Variants in PATZ1 observed in about 807,000 individuals in gnomAD.
PATZ1 encodes the protein POZ-, AT hook-, and zinc finger-containing protein 1.
PATZ1 carries 9 observed loss-of-function variants against 46.2 expected under a neutral mutation model. The ratio of observed to expected loss-of-function variants is 0.19; its 90% confidence interval spans 0.12 to 0.34. The LOEUF (loss-of-function observed/expected upper bound fraction) is 0.34. PATZ1 is among the 10% of genes least tolerant of loss of function. The pLI, the probability that PATZ1 is intolerant of heterozygous loss-of-function variation, is 1.00. For synonymous variants in PATZ1, 426 were observed against 378.6 expected, an observed-to-expected ratio of 1.13 and a Z score of -1.45; for missense variants, 632 against 923.0, an observed-to-expected ratio of 0.68 and a Z score of 4.08.
In PATZ1 at chr22:31,344,967, T is replaced by C; in HGVS notation, c.636A>G (p.Ala212=). 1.2e-6 allele frequency: 2 copies of C among 1,613,870 alleles called. No individual in the cohort carries two copies. The highest frequency in any genetic ancestry group is 1.7e-6 in the Non-Finnish European group (2 of 1,180,042). The change falls in exon 1 of 5, where the codon GCA becomes GCG. Residue 212 remains alanine, a synonymous_variant. Coordinates refer to ENST00000266269, the MANE Select transcript of PATZ1 (RefSeq NM_014323.3). ...IAGSMQPEEE[A]ARAAGAAIAG... ...CAATGGCTGCACCAGCCGCCCGAGCTGCCTCCTCCTCTGGCTGCATGCTGC... is the reference window on the plus strand; with the variant it reads ...CAATGGCTGCACCAGCCGCCCGAGCCGCCTCCTCCTCTGGCTGCATGCTGC...
At chr22:31,329,895 C>T (rs1421848732) in intron 3 of PATZ1, among the ~76,000 whole-genome samples, 1 of 152,232 alleles carries the variant, frequency 6.6e-6, no homozygotes, top group Non-Finnish European at 1.5e-5. Context: ...AGTCAAGGAT[C>T]AGAAGGTGCT....
intron 2 of PATZ1, 145 bp downstream of exon 2, chr22:31,342,752 G>T: frequency 1.3e-6 from 1 of 767,434 alleles, no homozygotes; most frequent in Non-Finnish European, 2.2e-6. Flanking sequence ...GGAGAGCAGA[G>T]GGAGGGTGGA....
At chr22:31,332,830 T>C (rs531614776) in intron 3 of PATZ1, among the ~76,000 whole-genome samples, 1 of 152,266 alleles carries the variant, frequency 6.6e-6, no homozygotes, top group Non-Finnish European at 1.5e-5. Flanking sequence ...GGATTCCTGA[T>C]AATCTGTTCC....
At position 31,345,281 on chromosome 22, in the gene PATZ1, T is replaced by C; in HGVS notation, c.322A>G (p.Thr108Ala). 2 of 1,612,424 alleles carry C rather than the reference T, an allele frequency of 1.2e-6. No individual in the cohort carries two copies. Among genetic ancestry groups the C allele is most frequent in the South Asian group, 2.2e-5 (2 of 90,962 alleles). Residue 108 changes from threonine to alanine, a missense_variant, in exon 1 of 5, where the codon ACT becomes GCT. Coordinates refer to ENST00000266269, the MANE Select transcript of PATZ1 (RefSeq NM_014323.3). This position sits in a 1 kb window ranked among gnomAD's most constrained non-coding sequence, Gnocchi z 7.4. ...AGGSRELEMH[T>A]ISSKVFGDIL... ...TCCCCAAATACCTTGGAGCTGATAG[T>C]GTGCATCTCCAGCTCCCGGCTGCCC...
rs1244210139 is a variant in PATZ1, at chr22:31,328,544, G to T, written c.1645+243C>A. Among the ~76,000 whole-genome samples the T allele has an allele frequency of 6.6e-6, 1 of 152,218 alleles. No individual in the cohort carries two copies. The highest frequency in any genetic ancestry group is 2.4e-5 in the African/African-American group (1 of 41,460). On this transcript the variant is annotated intron_variant, in intron 4 of 4. Coordinates refer to ENST00000266269, the MANE Select transcript of PATZ1 (RefSeq NM_014323.3). This position sits in a 1 kb window ranked among gnomAD's most constrained non-coding sequence, Gnocchi z 4.8. ...ACAGTGGGGGCTGGCCAGGAGGAAA[G>T]GAGGAGGGCTGGGGAAGAGGAGGCG...
Position 31,344,796 on chromosome 22 carries a change from G to A in PATZ1, c.807C>T (p.Arg269=), listed in dbSNP as rs144022087. The change falls in exon 1 of 5, where the codon CGC becomes CGT. Residue 269 remains arginine (R), a synonymous_variant. Transcript: ENST00000266269. ...PPLTGKRGRG[R]PRKANLLDSM... is the part of the protein sequence containing the mutation. Reference sequence around the variant, plus strand: ...AGTCCAGCAGGTTGGCCTTCCTTGGGCGGCCCCGGCCTCGCTTGCCAGTCA... The same window carrying A: ...AGTCCAGCAGGTTGGCCTTCCTTGGACGGCCCCGGCCTCGCTTGCCAGTCA... 261 of 1,609,098 alleles carry A rather than the reference G, an allele frequency of 1.6e-4. No homozygotes were observed. The highest frequency in any genetic ancestry group is 3.8e-4 in the East Asian group (17 of 44,796).
intron 1 of PATZ1, chr22:31,343,168 G>T (rs887465459): frequency 7.7e-6 from 10 of 1,305,476 alleles, no homozygotes; most frequent in Admixed American, 7.1e-5. Context: ...CTGGAGGGGG[G>T]AAGAGAAATG....
At chr22:31,341,513 T>C in intron 2 of PATZ1, 1 of 1,613,964 alleles carries the variant, frequency 6.2e-7, no homozygotes. Context: ...TGGAGTGTGC[T>C]GGGCCCAGGT....
rs758682147 is a variant in PATZ1 at position 31,344,994 on chromosome 22, G to A, written c.609C>T (p.Ala203=). ...CCTCCTCCTCTGGCTGCATGCTGCC[G>A]GCGATGCCATTGCTGTTGGCTGCCA... The part of the protein sequence containing the change: ...AALAANSNGI[A]GSMQPEEEAA... The change falls in exon 1 of 5, where the codon GCC becomes GCT. Residue 203 remains alanine (A), a synonymous_variant. Transcript: ENST00000266269. 41 of 1,613,920 alleles carry A rather than the reference G, an allele frequency of 2.5e-5. No homozygotes were observed. The South Asian group carries it at 3.8e-4, about 15-fold the overall frequency.
Position 31,345,096 on chromosome 22 carries a change from G to T in PATZ1, c.507C>A (p.Arg169=). The T allele has an allele frequency of 6.2e-7, 1 of 1,614,214 alleles. No individual in the cohort carries two copies. Among genetic ancestry groups the T allele is most frequent in the Non-Finnish European group, 8.5e-7 (1 of 1,180,036 alleles). Residue 169 remains arginine (R), a synonymous_variant, in exon 1 of 5, where the codon CGC becomes CGA. Coordinates refer to ENST00000266269, the MANE Select transcript of PATZ1 (RefSeq NM_014323.3). This position sits in a 1 kb window ranked among gnomAD's most constrained non-coding sequence, Gnocchi z 7.4. ...GGGGGCGAAAGAGCATTATATCGGC[G>T]CGGGCAGGGGGTACCAGGATCTGTA... ...SNVQILVPPA[R]ADIMLFRPPG... is the part of the protein sequence containing the mutation.
In PATZ1 at chr22:31,345,889, G is replaced by T. The variant is rs1050816456; in HGVS notation, c.-287C>A. The stretch of plus-strand genomic sequence containing the variant: ...CCTCCCCTTCCCGGTCTACCTTCCG[G>T]GGGGGTGCGCGAGCGAAGAGGTGCG... On this transcript the variant is annotated 5_prime_UTR_variant, in exon 1 of 5. Coordinates refer to ENST00000266269, the MANE Select transcript of PATZ1 (RefSeq NM_014323.3). The surrounding 1 kb of genome is among the most constrained non-coding windows in gnomAD (Gnocchi z 7.4). 2.7e-6 allele frequency: 1 copy of T among 366,050 alleles called. No individual in the cohort carries two copies. 22.7% of individuals were successfully genotyped at this position (366,050 alleles called of 1,614,324 possible). A position where few individuals can be genotyped will look rare whatever the true frequency, so the allele number is the denominator to read the frequency against.
chr22:31,334,485 A>G (rs1267853910), intron 3 of PATZ1, among the ~76,000 whole-genome samples: 1 of 152,206 alleles, frequency 6.6e-6, no homozygotes, highest in Non-Finnish European at 1.5e-5. Flanking sequence ...ACCTCGGCAC[A>G]TGAACACAGC....
Position 31,345,701 on chromosome 22 carries a change from C to G in PATZ1, c.-99G>C. 1 of 1,209,042 alleles carries G rather than the reference C, an allele frequency of 8.3e-7. No homozygotes were observed. Among genetic ancestry groups the G allele is most frequent in the South Asian group, 1.6e-5 (1 of 64,374 alleles). 74.9% of individuals were successfully genotyped at this position (1,209,042 alleles called of 1,614,324 possible). Reference sequence around the variant, plus strand: ...GGGGCGCAGCAGACGTGTCCACACTCCCCACACGTGCCGGCCCGAGGCTCT... The same window carrying G: ...GGGGCGCAGCAGACGTGTCCACACTGCCCACACGTGCCGGCCCGAGGCTCT... On this transcript the variant is annotated 5_prime_UTR_variant, in exon 1 of 5. Coordinates refer to ENST00000266269, the MANE Select transcript of PATZ1 (RefSeq NM_014323.3). This position sits in a 1 kb window ranked among gnomAD's most constrained non-coding sequence, Gnocchi z 7.4.
chr22:31,335,553 A>T, intron 3 of PATZ1, 139 bp downstream of exon 3: 1 of 752,798 alleles, frequency 1.3e-6, no homozygotes, highest in Non-Finnish European at 2.2e-6. Flanking sequence ...TGGGTGATGA[A>T]GGTGTTTATC....
At chr22:31,329,855 G>A (rs2049416544) in intron 3 of PATZ1, among the ~76,000 whole-genome samples, 1 of 152,244 alleles carries the variant, frequency 6.6e-6, no homozygotes, top group South Asian at 2.1e-4. Context: ...GGGTTTCACA[G>A]GAAGGAGGTA....
intron 3 of PATZ1, among the ~76,000 whole-genome samples, chr22:31,331,670 GTC>G (rs998529940): frequency 2.0e-5 from 3 of 152,102 alleles, no homozygotes; most frequent in African/African-American, 7.2e-5. Context: ...CCCTTGTGGG[GTC>G]TCTAAAATAG....
Position 31,344,776 on chromosome 22 carries a change from A to G in PATZ1, c.827T>C (p.Leu276Pro), listed in dbSNP as rs1425155789. The G allele has an allele frequency of 1.2e-6, 2 of 1,609,760 alleles. No homozygotes were observed. Among genetic ancestry groups the G allele is most frequent in the Non-Finnish European group, 1.7e-6 (2 of 1,177,684 alleles). ...GRGRPRKANL[L>P]DSMFGSPGGL... is the part of the protein sequence containing the mutation. The stretch of plus-strand genomic sequence containing the variant: ...CCCTGGGGACCCAAACATTGAGTCC[A>G]GCAGGTTGGCCTTCCTTGGGCGGCC... Residue 276 changes from leucine to proline, a missense_variant, in exon 1 of 5, where the codon CTG (leucine) becomes CCG (proline). Leu to Pro is a moderately conservative substitution (Grantham distance 98, BLOSUM62 -3). Transcript: ENST00000266269.
chr22:31,342,779 G>A, intron 2 of PATZ1, 118 bp downstream of exon 2: 1 of 1,019,696 alleles, frequency 9.8e-7, no homozygotes. Flanking sequence ...GAGGGGAGGT[G>A]TGCAAAGCGG....
In PATZ1 at chr22:31,326,926, C is replaced by T. The variant is rs540767601; in HGVS notation, c.2029G>A (p.Val677Ile). The T allele has an allele frequency of 2.6e-5, 42 of 1,614,138 alleles. No homozygotes were observed. The East Asian group carries it at 5.3e-4, about 21-fold the overall frequency. The change falls in exon 5 of 5, where the codon GTT becomes ATT. Residue 677 changes from valine to isoleucine, a missense_variant. By Grantham distance (29) the Val-to-Ile change is conservative. Coordinates refer to ENST00000266269, the MANE Select transcript of PATZ1 (RefSeq NM_014323.3). The part of the protein sequence containing the change: ...AFASSLVDPE[V>I]DQQPMGPEGK ...TCAGGCCCCATGGGCTGCTGGTCAA[C>T]CTCAGGATCTACTAAAGATGACGCA... is the stretch of plus-strand genomic sequence containing the variant.
Sources: allele counts gnomAD v4.1 joint callset (sites outside exome capture counted in the v4.1 genomes callset), GRCh38; gene constraint gnomAD v4.1.1; non-coding constraint Gnocchi (gnomAD v3.1); transcripts MANE v1.5; gene names NCBI Gene and HGNC (gene_info 2026-07-23, HGNC 2026-07-21).